Variants in ADAMTS9 observed in about 807,000 individuals in gnomAD.
ADAMTS9 encodes A disintegrin and metalloproteinase with thrombospondin motifs 9.
A neutral mutation model predicts 257.1 loss-of-function variants in ADAMTS9; 107 were observed. That is an observed-to-expected ratio of 0.42 (90% CI 0.36 to 0.49). The LOEUF is 0.49. ADAMTS9 is among the 20% of genes least tolerant of loss of function. The pLI is 0.03. For synonymous variants in ADAMTS9, 982 were observed against 880.9 expected, an observed-to-expected ratio of 1.11 and a Z score of -2.03; for missense variants, 2,353 against 2,469.1, an observed-to-expected ratio of 0.95 and a Z score of 1.00.
At chr3:64,646,936 A>G (rs1700808623) in intron 11 of ADAMTS9, among the ~76,000 whole-genome samples, 1 of 152,306 alleles carries the variant, frequency 6.6e-6, no homozygotes, top group African/African-American at 2.4e-5. Flanking sequence ...TTTCTTGTCT[A>G]TAAGATCAGG....
At chr3:64,545,594 A>G (rs2106920391) in intron 32 of ADAMTS9, among the ~76,000 whole-genome samples, 1 of 152,032 alleles carries the variant, frequency 6.6e-6, no homozygotes, top group Admixed American at 6.6e-5. Context: ...AACATCACAT[A>G]CCGGGGCCTG....
chr3:64,546,983 C>A (rs1156432033), intron 31 of ADAMTS9, 31 bp from the exon 32 acceptor site: 2 of 1,581,842 alleles, frequency 1.3e-6, no homozygotes, highest in African/African-American at 1.3e-5. Flanking sequence ...AGGAGAGGTT[C>A]GAGCAGTTCC....
chr3:64,684,985 A>C (rs1456794740), intron 2 of ADAMTS9: 1 of 152,032 alleles, frequency 6.6e-6, no homozygotes, highest in Non-Finnish European at 1.5e-5. Context: ...TGCCTACCCG[A>C]GCCTTAACCT....
chr3:64,619,913 CTTTAA>C (rs1289990768), intron 19 of ADAMTS9, among the ~76,000 whole-genome samples: 4 of 152,124 alleles, frequency 2.6e-5, no homozygotes, highest in South Asian at 2.1e-4. Flanking sequence ...GAGACTTGAA[CTTTAA>C]TTTAACTCAA....
chr3:64,602,684 T>A (rs986163685), intron 25 of ADAMTS9, among the ~76,000 whole-genome samples: 4 of 152,192 alleles, frequency 2.6e-5, no homozygotes, highest in Non-Finnish European at 1.5e-5. Context: ...TAAATTCCCA[T>A]GTGTGTCATT....
chr3:64,602,011 C>A lies in ADAMTS9; in HGVS notation c.3950G>T (p.Arg1317Leu). 6.2e-7 allele frequency: 1 copy of A among 1,613,892 alleles called. No homozygotes were observed. Among genetic ancestry groups the A allele is most frequent in the Non-Finnish European group, 8.5e-7 (1 of 1,179,924 alleles). The stretch of plus-strand genomic sequence containing the variant: ...ATGGGTGCGGCTGGGGCTGGCGCTC[C>A]GGGGACGATAGTCCTCATTTTGGAA... ...HPFQNEDYRPRSASPSRTHVL... is the reference protein window; with the variant it reads ...HPFQNEDYRPLSASPSRTHVL... Residue 1317 changes from arginine to leucine, a missense_variant, in exon 26 of 40, where the codon CGG becomes CTG. This residue lies in a region of ADAMTS9 where 1,402 missense variants were observed against 1,441.4 expected (regional missense o/e 0.97). Coordinates refer to ENST00000498707, the MANE Select transcript of ADAMTS9 (RefSeq NM_182920.2).
rs1701923971 is a variant in ADAMTS9 at position 64,686,810 on chromosome 3, A to G, written c.274T>C (p.Ser92Pro). 6.2e-7 allele frequency: 1 copy of G among 1,614,010 alleles called. No homozygotes were observed. The highest frequency in any genetic ancestry group is 8.5e-7 in the Non-Finnish European group (1 of 1,179,962). ...PWPAFASSSS[S>P]STSSQAHYRL... Reference sequence around the variant, plus strand: ...TAATGCGCCTGGGAGGAGGTAGAGGAGGAAGAGGAGGAGGCGAAGGCAGGC... The same window carrying G: ...TAATGCGCCTGGGAGGAGGTAGAGGGGGAAGAGGAGGAGGCGAAGGCAGGC... Residue 92 changes from serine to proline, a missense_variant, in exon 2 of 40, where the codon TCC (serine) becomes CCC (proline). Around this residue, in one of 3 missense-constraint regions of ADAMTS9, gnomAD observed 591 missense variants for 569.6 expected, o/e 1.04. Transcript: ENST00000498707. The surrounding 1 kb of genome is among the most constrained non-coding windows in gnomAD (Gnocchi z 4.6).
At chr3:64,570,710 A>C (rs962813612) in intron 28 of ADAMTS9, among the ~76,000 whole-genome samples, 1 of 151,586 alleles carries the variant, frequency 6.6e-6, no homozygotes, top group African/African-American at 2.4e-5. Flanking sequence ...AAAAAAAAAA[A>C]AAAAAAAAAA....
In ADAMTS9 at chr3:64,539,276, G is replaced by C. The variant is rs766820473; in HGVS notation, c.5540C>G (p.Ala1847Gly). 1 of 1,614,040 alleles carries C rather than the reference G, an allele frequency of 6.2e-7. No homozygotes were observed. Among genetic ancestry groups the C allele is most frequent in the Non-Finnish European group, 8.5e-7 (1 of 1,179,936 alleles). ...MQIITTDLQFARTSEGHPVPF... is the reference protein window; with the variant it reads ...MQIITTDLQFGRTSEGHPVPF... ...GACGGGATGTCCTTCGCTTGTCCTT[G>C]CAAACTGTAAGTCAGTGGCTGTGGG... Residue 1847 changes from alanine (A) to glycine (G), a missense_variant, in exon 37 of 40, where the codon GCA becomes GGA. By Grantham distance (60) the Ala-to-Gly change is moderately conservative. Around this residue, in one of 3 missense-constraint regions of ADAMTS9, gnomAD observed 1,402 missense variants for 1,441.4 expected, o/e 0.97. Transcript: ENST00000498707.
rs186758944 is a variant in ADAMTS9, at chr3:64,569,761, T to G, written c.4357-1226A>C. Among the ~76,000 whole-genome samples the G allele has an allele frequency of 5.8e-3, 881 of 152,326 alleles. 9 individuals are homozygous for G. Among genetic ancestry groups the G allele is most frequent in the African/African-American group, 0.019 (803 of 41,572 alleles). Reference sequence around the variant, plus strand: ...ATATTAATACATTTGGCTTTAATTTTTTTAACTTTAGGAGGTGAAAATATT... The same window carrying G: ...ATATTAATACATTTGGCTTTAATTTGTTTAACTTTAGGAGGTGAAAATATT... On this transcript the variant is annotated intron_variant, in intron 28 of 39. Transcript: ENST00000498707.
chr3:64,546,710 G>A lies in ADAMTS9; in HGVS notation c.5064+48C>T, dbSNP rs749203957. On this transcript the variant is annotated intron_variant, in intron 32 of 39. Coordinates refer to ENST00000498707, the MANE Select transcript of ADAMTS9 (RefSeq NM_182920.2). ...TTAGGCAGGACATGTTTAAGACGGG[G>A]TTGAGATCCAAGGGCTTTCAGATTT... The A allele has an allele frequency of 3.3e-5, 50 of 1,526,908 alleles. No homozygotes were observed. In the Admixed American group the frequency reaches 9.9e-4, roughly 30 times the overall value. 94.6% of individuals were successfully genotyped at this position (1,526,908 alleles called of 1,614,324 possible).
At chr3:64,614,950 A>G (rs946523517) in intron 21 of ADAMTS9, 3 of 164,764 alleles carry the variant, frequency 1.8e-5, no homozygotes, top group African/African-American at 7.2e-5. Context: ...GAAGTAGGAA[A>G]CTTCATGTTG....
chr3:64,664,433 T>G (rs934606170), intron 3 of ADAMTS9, among the ~76,000 whole-genome samples: 3 of 152,150 alleles, frequency 2.0e-5, no homozygotes, highest in Non-Finnish European at 4.4e-5. Flanking sequence ...AGCCATTCCA[T>G]TCTCCCCTTT....
In ADAMTS9 at chr3:64,655,657, G is replaced by A. The variant is rs1395351356; in HGVS notation, c.1088C>T (p.Thr363Ile). The A allele has an allele frequency of 1.9e-6, 3 of 1,613,968 alleles. No individual in the cohort carries two copies. The highest frequency in any genetic ancestry group is 1.3e-5 in the African/African-American group (1 of 74,890). ...GPSISFNAQT[T>I]LKNFCQWQHS... The stretch of plus-strand genomic sequence containing the variant: ...CTGCCACTGGCAAAAGTTTTTTAAT[G>A]TTGTCTGAGCATTAAAAGATATGGA... The change falls in exon 6 of 40, where the codon ACA (threonine) becomes ATA (isoleucine). Residue 363 changes from threonine to isoleucine, a missense_variant. By Grantham distance (89) the Thr-to-Ile change is moderately conservative. Around this residue, in one of 3 missense-constraint regions of ADAMTS9, gnomAD observed 591 missense variants for 569.6 expected, o/e 1.04. Coordinates refer to ENST00000498707, the MANE Select transcript of ADAMTS9 (RefSeq NM_182920.2).
intron 16 of ADAMTS9, among the ~76,000 whole-genome samples, chr3:64,625,897 T>C (rs776968732): frequency 7.2e-5 from 11 of 152,290 alleles, no homozygotes; most frequent in Non-Finnish European, 1.3e-4. Context: ...CTCCCACCAA[T>C]AAACCTAAAT....
In ADAMTS9 at chr3:64,557,306, C is replaced by A. The variant is rs138540294; in HGVS notation, c.4698+4272G>T. 7.0e-3 allele frequency among the ~76,000 whole-genome samples: 1,071 copies of A among 152,256 alleles called. 12 individuals carry two copies. The highest frequency in any genetic ancestry group is 0.025 in the African/African-American group (1,025 of 41,554). ...AATGCTGCAGATGCATGGCCCCATA[C>A]GATCACAATTCAAATTTGACCAGAA... On this transcript the variant is annotated intron_variant, in intron 30 of 39. Coordinates refer to ENST00000498707, the MANE Select transcript of ADAMTS9 (RefSeq NM_182920.2).
At chr3:64,651,239 C>CAACT in intron 8 of ADAMTS9, 76 bp from the exon 9 acceptor site, 1 of 1,348,516 alleles carries the variant, frequency 7.4e-7, no homozygotes, top group South Asian at 1.6e-5. Context: ...TTCAGGAATG[C>CAACT]AACTATCTAA....
chr3:64,553,828 G>T (rs962744226), intron 30 of ADAMTS9, among the ~76,000 whole-genome samples: 1 of 152,028 alleles, frequency 6.6e-6, no homozygotes, highest in East Asian at 1.9e-4. Flanking sequence ...GCAGGAGGCC[G>T]GCTGAGCCCA....
intron 28 of ADAMTS9, among the ~76,000 whole-genome samples, chr3:64,581,968 T>A (rs529430507): frequency 2.0e-5 from 3 of 152,170 alleles, no homozygotes; most frequent in Non-Finnish European, 4.4e-5. Flanking sequence ...TCTCAAAGCT[T>A]TGGAGTCACT....
Sources: allele counts gnomAD v4.1 joint callset (sites outside exome capture counted in the v4.1 genomes callset), GRCh38; gene constraint gnomAD v4.1.1; regional missense constraint gnomAD v4.1.1; non-coding constraint Gnocchi (gnomAD v3.1); transcripts MANE v1.5; gene names NCBI Gene and HGNC (gene_info 2026-07-23, HGNC 2026-07-21).